The following RND3 variants were observed in gnomAD, a reference collection of about 807,000 sequenced individuals.
RND3 encodes Rho family GTPase 3, also known as rho-related GTP-binding protein RhoE.
RND3 carries 8 observed loss-of-function variants against 26.5 expected under a neutral mutation model. That is an observed-to-expected ratio of 0.30 (90% confidence interval 0.18 to 0.54). The LOEUF is 0.54. Ranked by LOEUF, RND3 falls within the 20% of genes least tolerant of loss-of-function variation. The probability of loss-of-function intolerance (pLI) is 0.94; values close to 1 mark genes in which losing one functional copy is unlikely to be tolerated. For synonymous variants in RND3, 113 were observed against 113.0 expected (o/e 1.00, Z 0.00); for missense variants, 207 against 302.8 (o/e 0.68, Z 2.35).
chr2:150,482,735 G>GGGGGGGGGGC (rs1686296666), intron 3 of RND3, among the ~76,000 whole-genome samples: 2 of 133,646 alleles, frequency 1.5e-5, no homozygotes, highest in Non-Finnish European at 3.2e-5. Flanking sequence ...GGGTGGGGGG[G>GGGGGGGGGGC]GCGGTGCGGG....
In RND3 at chr2:150,487,465, A is replaced by AG; in HGVS notation, c.-38-11_-38-10insC. 1.3e-5 allele frequency: 3 copies of AG among 229,828 alleles called. No homozygotes were observed. Among genetic ancestry groups the AG allele is most frequent in the Non-Finnish European group, 1.3e-5 (2 of 148,286 alleles). 14.2% of individuals were successfully genotyped at this position (229,828 alleles called of 1,614,324 possible). The stretch of plus-strand genomic sequence containing the variant: ...GGAACAGGAATTTTCTCTTAAGAAG[A>AG]AAAAAAAAAATATATATATATATAT... On this transcript the variant is annotated splice_polypyrimidine_tract_variant and intron_variant, in intron 1 of 5. Coordinates refer to ENST00000263895, the MANE Select transcript of RND3 (RefSeq NM_005168.5).
At chr2:150,475,577 G>A (rs1249811318) in intron 3 of RND3, among the ~76,000 whole-genome samples, 1 of 152,142 alleles carries the variant, frequency 6.6e-6, no homozygotes, top group Non-Finnish European at 1.5e-5. Context: ...TCTGACAGCA[G>A]GATAGGGGTG....
intron 3 of RND3, among the ~76,000 whole-genome samples, chr2:150,484,099 A>T (rs182389780): frequency 1.1e-4 from 17 of 152,352 alleles, no homozygotes. Context: ...CTTTGTGCAC[A>T]GGTAATTCAG....
chr2:150,477,848 G>A (rs1686192825), intron 3 of RND3, among the ~76,000 whole-genome samples: 1 of 152,054 alleles, frequency 6.6e-6, no homozygotes, highest in South Asian at 2.1e-4. Context: ...TTTTTAAGAG[G>A]TTTAACATGA....
chr2:150,486,994 C>T lies in RND3; in HGVS notation c.151-213G>A. On this transcript the variant is annotated intron_variant, in intron 2 of 5. Transcript: ENST00000263895. This position sits in a 1 kb window ranked among gnomAD's most constrained non-coding sequence, Gnocchi z 4.5. ...ACCCGGCTCTCACAGATCTGCTGAC[C>T]CGAATCTCCCAACCCCAGGTTATGC... The T allele has an allele frequency of 1.6e-6, 1 of 615,258 alleles. No homozygotes were observed. The highest frequency in any genetic ancestry group is 2.8e-5 in the East Asian group (1 of 36,344). 38.1% of individuals were successfully genotyped at this position (615,258 alleles called of 1,614,324 possible). A position where few individuals can be genotyped will look rare whatever the true frequency, so the allele number is the denominator to read the frequency against.
intron 5 of RND3, among the ~76,000 whole-genome samples, chr2:150,471,045 T>C (rs1225794594): frequency 1.3e-5 from 2 of 152,208 alleles, no homozygotes; most frequent in Non-Finnish European, 2.9e-5. Flanking sequence ...CATGTGCACA[T>C]TAACCAAAAC....
intron 3 of RND3, among the ~76,000 whole-genome samples, chr2:150,480,949 C>A (rs1194626004): frequency 6.6e-6 from 1 of 152,184 alleles, no homozygotes; most frequent in Non-Finnish European, 1.5e-5. Flanking sequence ...TGGTTTCCTG[C>A]AATTTCACAG....
Position 150,469,699 on chromosome 2 carries a change from G to T in RND3, c.*288C>A. On this transcript the variant is annotated 3_prime_UTR_variant, in exon 6 of 6. Coordinates refer to ENST00000263895, the MANE Select transcript of RND3 (RefSeq NM_005168.5). The stretch of plus-strand genomic sequence containing the variant: ...ATTCAGAGTGTGATTTTTCTTCTTG[G>T]AGGTACTCGCATCCCCCCTCATCTT... The T allele has an allele frequency of 2.9e-6, 1 of 350,866 alleles. No individual in the cohort carries two copies. The highest frequency in any genetic ancestry group is 5.1e-6 in the Non-Finnish European group (1 of 195,230). The allele number at this position is 350,866 out of a possible 1,614,324, so 21.7% of individuals were successfully genotyped here.
chr2:150,485,305 C>T (rs1048015550), intron 3 of RND3: 1 of 152,372 alleles, frequency 6.6e-6, no homozygotes, highest in African/African-American at 2.4e-5. Flanking sequence ...GGGACTGCCT[C>T]TGGCGACCCT....
At chr2:150,485,695 C>G (rs1421018212) in intron 3 of RND3, among the ~76,000 whole-genome samples, 1 of 152,098 alleles carries the variant, frequency 6.6e-6, no homozygotes, top group African/African-American at 2.4e-5. Context: ...TGTCCCAGCC[C>G]AAGACCTCAG....
At chr2:150,472,868 G>A (rs1424806883) in intron 4 of RND3, among the ~76,000 whole-genome samples, 2 of 152,128 alleles carry the variant, frequency 1.3e-5, no homozygotes, top group African/African-American at 4.8e-5. Flanking sequence ...AAGATCACTA[G>A]AGGAGACATC....
intron 3 of RND3, among the ~76,000 whole-genome samples, chr2:150,485,940 T>C (rs1686350954): frequency 1.3e-5 from 2 of 151,840 alleles, no homozygotes; most frequent in Admixed American, 1.3e-4. Context: ...CGAATAGTGT[T>C]GCCCGCGGCC....
intron 5 of RND3, among the ~76,000 whole-genome samples, chr2:150,470,639 T>C (rs181794345): frequency 6.0e-4 from 92 of 152,302 alleles, no homozygotes; most frequent in Non-Finnish European, 1.1e-3. Context: ...AACTGGTTAT[T>C]CAGGTTTTCC....
At chr2:150,476,355 G>C (rs1326810388) in intron 3 of RND3, among the ~76,000 whole-genome samples, 1 of 152,162 alleles carries the variant, frequency 6.6e-6, no homozygotes, top group Non-Finnish European at 1.5e-5. Flanking sequence ...TGATCTAAAA[G>C]GCACTATAGT....
Position 150,487,474 on chromosome 2 carries a change from A to AAATATATATATATATATAT in RND3, c.-38-20_-38-19insATATATATATATATATATT. 294 of 200,702 alleles carry AAATATATATATATATATAT rather than the reference A, an allele frequency of 1.5e-3. 1 individual carries two copies. The highest frequency in any genetic ancestry group is 2.8e-3 in the Admixed American group (39 of 13,812). The allele number at this position is 200,702 out of a possible 1,614,324, so 12.4% of individuals were successfully genotyped here. The stretch of plus-strand genomic sequence containing the variant: ...ATTTTCTCTTAAGAAGAAAAAAAAA[A>AAATATATATATATATATAT]ATATATATATATATATATATTTCTC... On this transcript the variant is annotated intron_variant, in intron 1 of 5. Transcript: ENST00000263895.
intron 3 of RND3, among the ~76,000 whole-genome samples, chr2:150,478,533 T>C (rs1431285526): frequency 7.2e-6 from 1 of 138,060 alleles, no homozygotes; most frequent in African/African-American, 2.9e-5. Flanking sequence ...CCCTAACTCC[T>C]ATATCCCTCC....
chr2:150,469,950 C>G lies in RND3; in HGVS notation c.*37G>C, dbSNP rs750660600. On this transcript the variant is annotated 3_prime_UTR_variant, in exon 6 of 6. Coordinates refer to ENST00000263895, the MANE Select transcript of RND3 (RefSeq NM_005168.5). ...TTTTTGTTTGCTGTTGTTTTTTACA[C>G]TAGATTCCTTTGTCTTCATTAAAGA... The G allele has an allele frequency of 6.2e-7, 1 of 1,605,978 alleles. No homozygotes were observed. Among genetic ancestry groups the G allele is most frequent in the South Asian group, 1.1e-5 (1 of 90,254 alleles).
At chr2:150,476,152 C>T (rs1212467312) in intron 3 of RND3, among the ~76,000 whole-genome samples, 1 of 152,136 alleles carries the variant, frequency 6.6e-6, no homozygotes, top group African/African-American at 2.4e-5. Flanking sequence ...TCTAAACCAC[C>T]AAACTCTTTT....
At chr2:150,487,156 T>TC (rs1396898055) in intron 2 of RND3, 112 bp downstream of exon 2, 18 of 817,722 alleles carry the variant, frequency 2.2e-5, no homozygotes, top group Admixed American at 7.0e-5. Context: ...AGACTTTTTT[T>TC]TTTCTTTTTT....
Sources: gnomAD v4.1 joint callset for allele counts (sites outside exome capture counted in the v4.1 genomes callset) on GRCh38, gnomAD v4.1.1 for gene constraint, Gnocchi (gnomAD v3.1) non-coding constraint, MANE v1.5 for transcripts, NCBI Gene and HGNC (gene_info 2026-07-23, HGNC 2026-07-21) for gene names.